PPP2R5D: variants seen among roughly 807,000 people sequenced by gnomAD.
The protein encoded by PPP2R5D is serine/threonine-protein phosphatase 2A 56 kDa regulatory subunit delta isoform.
A neutral mutation model predicts 79.1 loss-of-function variants in PPP2R5D; 12 were observed. That is an observed-to-expected ratio of 0.15 (90% confidence interval 0.10 to 0.25). The LOEUF (loss-of-function observed/expected upper bound fraction) is 0.25. Among genes scored for constraint, PPP2R5D ranks in the 10% least tolerant of loss-of-function variants. PPP2R5D has a pLI of 1.00. For synonymous variants in PPP2R5D, 277 were observed against 286.6 expected (o/e 0.97, Z 0.34); for missense variants, 419 against 760.2 (o/e 0.55, Z 5.28).
intron 2 of PPP2R5D, among the ~76,000 whole-genome samples, chr6:43,002,717 T>C (rs1761818481): frequency 6.6e-6 from 1 of 152,192 alleles, no homozygotes; most frequent in African/African-American, 2.4e-5. Context: ...GTCCACATCA[T>C]TGTTTTTATA....
At chr6:42,998,792 T>G (rs1771973312) in intron 2 of PPP2R5D, among the ~76,000 whole-genome samples, 1 of 151,984 alleles carries the variant, frequency 6.6e-6, no homozygotes, top group Admixed American at 6.6e-5. Context: ...CCCAGCACTT[T>G]GGGAGGCTGA....
In PPP2R5D at chr6:43,008,693, C is replaced by T. The variant is rs750347123; in HGVS notation, c.1027C>T (p.Leu343=). The change falls in exon 10 of 16, where the codon CTG becomes TTG. Residue 343 remains leucine (L), a splice_region_variant and synonymous_variant. Transcript: ENST00000485511. The surrounding 1 kb of genome is among the most constrained non-coding windows in gnomAD (Gnocchi z 4.2). ...VKSLSVYHPQ[L]AYCVVQFLEK... Reference sequence around the variant, plus strand: ...TCCCTTCTACCTCACACCTTTGCAGCTGGCATACTGTGTGGTACAATTCCT... The same window carrying T: ...TCCCTTCTACCTCACACCTTTGCAGTTGGCATACTGTGTGGTACAATTCCT... 1.3e-5 allele frequency: 21 copies of T among 1,613,984 alleles called. No homozygotes were observed. The highest frequency in any genetic ancestry group is 1.8e-5 in the Non-Finnish European group (21 of 1,179,954).
intron 2 of PPP2R5D, among the ~76,000 whole-genome samples, chr6:43,003,935 G>A (rs780835713): frequency 3.3e-5 from 5 of 151,204 alleles, no homozygotes; most frequent in Non-Finnish European, 7.4e-5. Flanking sequence ...GGGGTGGATG[G>A]TCTCGATCTC....
Position 43,012,187 on chromosome 6 carries a change from G to C in PPP2R5D, c.*901G>C. The C allele has an allele frequency of 8.8e-7, 1 of 1,131,758 alleles. No individual in the cohort carries two copies. The highest frequency in any genetic ancestry group is 1.1e-6 in the Non-Finnish European group (1 of 924,270). 70.1% of individuals were successfully genotyped at this position (1,131,758 alleles called of 1,614,324 possible). On this transcript the variant is annotated 3_prime_UTR_variant, in exon 16 of 16. Transcript: ENST00000485511. ...TACCTTGGAGGGGCCAGGGGCTGAG[G>C]AAGGCCGGACCCAGGTTCCAGGGGC...
At position 42,990,254 on chromosome 6, in the gene PPP2R5D, C is replaced by T. The variant is rs1408746404; in HGVS notation, c.105+566C>T. Among the ~76,000 whole-genome samples the T allele has an allele frequency of 2.0e-5, 3 of 152,292 alleles. No individual in the cohort carries two copies. The South Asian group carries it at 6.2e-4, about 32-fold the overall frequency. On this transcript the variant is annotated intron_variant, in intron 2 of 15. Transcript: ENST00000485511. Reference sequence around the variant, plus strand: ...GAAGAGGGAGAGACTTAAGGAAGTACACAGTATGTCCATGAAAGTTTGGGA... The same window carrying T: ...GAAGAGGGAGAGACTTAAGGAAGTATACAGTATGTCCATGAAAGTTTGGGA...
chr6:42,989,235 A>G (rs1771078982), intron 1 of PPP2R5D, among the ~76,000 whole-genome samples: 1 of 152,130 alleles, frequency 6.6e-6, no homozygotes, highest in Non-Finnish European at 1.5e-5. Flanking sequence ...CACACCTTTG[A>G]CCACTTTAGC....
At position 43,010,365 on chromosome 6, in the gene PPP2R5D, A is replaced by T; in HGVS notation, c.1380-103A>T. ...GTTTGTGAACTGGAAGTAGTAAATG[A>T]CAAAGCTCTTAGCAGAGATACCCCT... On this transcript the variant is annotated intron_variant, in intron 12 of 15. Transcript: ENST00000485511. The surrounding 1 kb of genome is among the most constrained non-coding windows in gnomAD (Gnocchi z 4.7). The T allele has an allele frequency of 1.1e-6, 1 of 908,954 alleles. No homozygotes were observed. Among genetic ancestry groups the T allele is most frequent in the Admixed American group, 1.9e-5 (1 of 53,310 alleles). The allele number at this position is 908,954 out of a possible 1,614,324, so 56.3% of individuals were successfully genotyped here.
chr6:42,989,544 G>A (rs1457599365), intron 1 of PPP2R5D, 67 bp from the exon 2 acceptor site: 5 of 1,315,386 alleles, frequency 3.8e-6, no homozygotes, highest in Non-Finnish European at 5.4e-6. Flanking sequence ...AAAGATCTAA[G>A]GGAGCCAGAT....
chr6:42,989,513 T>G, intron 1 of PPP2R5D, 98 bp from the exon 2 acceptor site: 1 of 1,024,034 alleles, frequency 9.8e-7, no homozygotes, highest in African/African-American at 1.6e-5. Context: ...TTGATTCAAC[T>G]GGACAGAGGA....
chr6:43,011,537 G>A lies in PPP2R5D; in HGVS notation c.*251G>A. 1 of 545,982 alleles carries A rather than the reference G, an allele frequency of 1.8e-6. No individual in the cohort carries two copies. 33.8% of individuals were successfully genotyped at this position (545,982 alleles called of 1,614,324 possible). On this transcript the variant is annotated 3_prime_UTR_variant, in exon 16 of 16. Transcript: ENST00000485511. ...GATGCTTAGTGCTCAGACAACCTGG[G>A]GATGCCTGTCCCCTACCTGCTCCTC...
chr6:43,000,285 T>C (rs1772091199), intron 2 of PPP2R5D, among the ~76,000 whole-genome samples: 1 of 144,728 alleles, frequency 6.9e-6, no homozygotes, highest in Non-Finnish European at 1.5e-5. Context: ...AATCCCAAGC[T>C]GCAGTGCAGT....
rs567326020 is a variant in PPP2R5D, at chr6:43,007,649, A to G, written c.726+143A>G. 8 of 899,616 alleles carry G rather than the reference A, an allele frequency of 8.9e-6. No individual in the cohort carries two copies. The Admixed American group carries it at 1.9e-4, about 21-fold the overall frequency. The allele number at this position is 899,616 out of a possible 1,614,324, so 55.7% of individuals were successfully genotyped here. Reference sequence around the variant, plus strand: ...GAGGAGGCTATAAAGGGTAAAAAACAAAACAAAACAAAACCCTACTCTGGC... The same window carrying G: ...GAGGAGGCTATAAAGGGTAAAAAACGAAACAAAACAAAACCCTACTCTGGC... On this transcript the variant is annotated intron_variant, in intron 6 of 15. Coordinates refer to ENST00000485511, the MANE Select transcript of PPP2R5D (RefSeq NM_006245.4). The surrounding 1 kb of genome is among the most constrained non-coding windows in gnomAD (Gnocchi z 4.5).
In PPP2R5D at chr6:43,008,096, A is replaced by C. The variant is rs1438164731; in HGVS notation, c.857+31A>C. 6.2e-7 allele frequency: 1 copy of C among 1,613,854 alleles called. No individual in the cohort carries two copies. The highest frequency in any genetic ancestry group is 1.7e-5 in the Admixed American group (1 of 60,014). The stretch of plus-strand genomic sequence containing the variant: ...GCCAGGAGCCCAGGCTTAGGAGCAA[A>C]ACCTTCTGCTACTGAGGTGGGGTGG... On this transcript the variant is annotated intron_variant, in intron 7 of 15. Coordinates refer to ENST00000485511, the MANE Select transcript of PPP2R5D (RefSeq NM_006245.4). The surrounding 1 kb of genome is among the most constrained non-coding windows in gnomAD (Gnocchi z 4.2).
At position 43,010,769 on chromosome 6, in the gene PPP2R5D, G is replaced by A; in HGVS notation, c.1554+33G>A. 1 of 1,611,880 alleles carries A rather than the reference G, an allele frequency of 6.2e-7. No homozygotes were observed. The highest frequency in any genetic ancestry group is 8.5e-7 in the Non-Finnish European group (1 of 1,177,960). On this transcript the variant is annotated intron_variant, in intron 14 of 15. Transcript: ENST00000485511. The surrounding 1 kb of genome is among the most constrained non-coding windows in gnomAD (Gnocchi z 4.7). ...TTTCCTGCCACTGTTGTGAACTGAGGGGCCAGCCCATCTTGAGCTGGGGGA... is the reference window on the plus strand; with the variant it reads ...TTTCCTGCCACTGTTGTGAACTGAGAGGCCAGCCCATCTTGAGCTGGGGGA...
At chr6:43,011,045 G>A (rs893119571) in intron 15 of PPP2R5D, 48 bp downstream of exon 15, 6 of 1,608,246 alleles carry the variant, frequency 3.7e-6, no homozygotes, top group African/African-American at 2.7e-5. Context: ...AGCTCTGGAA[G>A]GGAGAGGAGA....
rs1032258553 is a variant in PPP2R5D, at chr6:43,006,220, C to T, written c.106-243C>T. On this transcript the variant is annotated intron_variant, in intron 2 of 15. Coordinates refer to ENST00000485511, the MANE Select transcript of PPP2R5D (RefSeq NM_006245.4). The surrounding 1 kb of genome is among the most constrained non-coding windows in gnomAD (Gnocchi z 4.7). ...TTACCTGTTCATGAACTGGAATGAACGTTTTAAAGGCTCTTGATGCACAAG... is the reference window on the plus strand; with the variant it reads ...TTACCTGTTCATGAACTGGAATGAATGTTTTAAAGGCTCTTGATGCACAAG... Among the ~76,000 whole-genome samples the T allele has an allele frequency of 3.3e-5, 5 of 152,172 alleles. No homozygotes were observed. The highest frequency in any genetic ancestry group is 5.9e-5 in the Non-Finnish European group (4 of 68,032).
In PPP2R5D at chr6:43,011,277, G is replaced by A. The variant is rs769974849; in HGVS notation, c.1800G>A (p.Glu600=). Residue 600 remains glutamate, a synonymous_variant, in exon 16 of 16, where the codon GAG becomes GAA. Coordinates refer to ENST00000485511, the MANE Select transcript of PPP2R5D (RefSeq NM_006245.4). ...AAGAGTTCCTAACTGCCAGCCAGGA[G>A]GCTCTCTGACCCCTCACGTTCCTAC... ...RAEEFLTASQ[E]AL 8 of 1,613,920 alleles carry A rather than the reference G, an allele frequency of 5.0e-6. No individual in the cohort carries two copies. The Admixed American group carries it at 1.0e-4, about 20-fold the overall frequency.
chr6:42,998,015 T>TTTTATATATA (rs1704731747), intron 2 of PPP2R5D, among the ~76,000 whole-genome samples: 1 of 32,338 alleles, frequency 3.1e-5, no homozygotes, highest in East Asian at 9.8e-4. Context: ...TGGGTTTTAT[T>TTTTATATATA]TATATATATA....
intron 2 of PPP2R5D, among the ~76,000 whole-genome samples, chr6:42,998,028 T>C (rs1326877899): frequency 6.4e-5 from 1 of 15,706 alleles, no homozygotes; most frequent in African/African-American, 1.6e-4. Context: ...TATATATATA[T>C]ATATATATAT....
Sources: gnomAD v4.1 joint callset for allele counts (sites outside exome capture counted in the v4.1 genomes callset) on GRCh38, gnomAD v4.1.1 for gene constraint, Gnocchi (gnomAD v3.1) non-coding constraint, MANE v1.5 for transcripts, NCBI Gene and HGNC (gene_info 2026-07-23, HGNC 2026-07-21) for gene names.